PACS2: variants seen among roughly 807,000 people sequenced by gnomAD.
PACS2 encodes the protein phosphofurin acidic cluster sorting protein 2, also known as PACS1-like protein.
A neutral mutation model predicts 113.0 loss-of-function variants in PACS2; 36 were observed. The observed-to-expected ratio is 0.32, with a 90% CI of 0.24 to 0.42. The LOEUF (loss-of-function observed/expected upper bound fraction) is 0.42. Among genes scored for constraint, PACS2 ranks in the 10% least tolerant of loss-of-function variants. The probability of loss-of-function intolerance (pLI) is 1.00; values close to 1 mark genes in which losing one functional copy is unlikely to be tolerated. For synonymous variants in PACS2, 589 were observed against 536.1 expected (o/e 1.10, Z -1.36); for missense variants, 1,015 against 1,239.5 (o/e 0.82, Z 2.72).
chr14:105,389,031 C>G (rs1290120930), intron 19 of PACS2: 1 of 152,446 alleles, frequency 6.6e-6, no homozygotes, highest in Non-Finnish European at 1.5e-5. Flanking sequence ...TCATGCTGTG[C>G]TGGCCCCTTG....
chr14:105,345,838 G>A (rs2059900663), intron 1 of PACS2, among the ~76,000 whole-genome samples: 1 of 152,210 alleles, frequency 6.6e-6, no homozygotes. Flanking sequence ...GTAAGAGAGA[G>A]TCTGTGGGAA....
intron 1 of PACS2, among the ~76,000 whole-genome samples, chr14:105,331,448 A>G (rs587765308): frequency 6.6e-6 from 1 of 152,138 alleles, no homozygotes; most frequent in African/African-American, 2.4e-5. Flanking sequence ...ACAGGTTCTC[A>G]CTCTGTTGCT....
At chr14:105,308,079 A>G (rs1296753424) in intron 1 of PACS2, among the ~76,000 whole-genome samples, 5 of 152,074 alleles carry the variant, frequency 3.3e-5, no homozygotes, top group Admixed American at 6.6e-5. Flanking sequence ...GCTACTTGGG[A>G]GGCTGAGGCA....
Position 105,381,962 on chromosome 14 carries a change from G to A in PACS2, c.1317G>A (p.Lys439=). The A allele has an allele frequency of 6.4e-7, 1 of 1,550,544 alleles. No individual in the cohort carries two copies. The highest frequency in any genetic ancestry group is 8.7e-7 in the Non-Finnish European group (1 of 1,147,114). ...GACGGGGCCGGAGCACATCCTTGAA[G>A]GAGCGGCAGGCAGCACGGCCCCAGA... The part of the protein sequence containing the change: ...AGRRGRSTSL[K]ERQAARPQNE... The change falls in exon 13 of 25, where the codon AAG becomes AAA. Residue 439 remains lysine, a synonymous_variant. Transcript: ENST00000447393.
Position 105,365,109 on chromosome 14 carries a change from C to T in PACS2, c.424-2104C>T, listed in dbSNP as rs937688235. ...GGCCACCCTCCCTGGTGAGGCAGCT[C>T]CAGCCCTTTGCTGAGGATTGCAGAG... On this transcript the variant is annotated intron_variant, in intron 4 of 24. Transcript: ENST00000447393. The surrounding 1 kb of genome is among the most constrained non-coding windows in gnomAD (Gnocchi z 5.1). Among the ~76,000 whole-genome samples the T allele has an allele frequency of 1.7e-4, 26 of 152,320 alleles. No homozygotes were observed. Among genetic ancestry groups the T allele is most frequent in the African/African-American group, 6.0e-4 (25 of 41,586 alleles).
At position 105,368,461 on chromosome 14, in the gene PACS2, C is replaced by CATA; in HGVS notation, c.663_664insATA (p.Asp221_Leu222insIle). 1 of 1,613,534 alleles carries CATA rather than the reference C, an allele frequency of 6.2e-7. No individual in the cohort carries two copies. Among genetic ancestry groups the CATA allele is most frequent in the Non-Finnish European group, 8.5e-7 (1 of 1,179,590 alleles). Reference sequence around the variant, plus strand: ...AGCCACTGCATATGTCTCTGCAGGACTTGGACGAGGACGACTTTGACGTGG... The same window carrying CATA: ...AGCCACTGCATATGTCTCTGCAGGACATATTGGACGAGGACGACTTTGACGTGG... On this transcript the variant is annotated inframe_insertion, in exon 7 of 25. Coordinates refer to ENST00000447393, the MANE Select transcript of PACS2 (RefSeq NM_001100913.3).
intron 1 of PACS2, among the ~76,000 whole-genome samples, chr14:105,325,703 G>A (rs2059078897): frequency 2.6e-5 from 4 of 152,230 alleles, no homozygotes; most frequent in Admixed American, 2.6e-4. Flanking sequence ...GACCAGCACT[G>A]TCCCTTCCCT....
At chr14:105,388,179 T>C (rs2081241804) in intron 19 of PACS2, among the ~76,000 whole-genome samples, 1 of 152,064 alleles carries the variant, frequency 6.6e-6, no homozygotes, top group Non-Finnish European at 1.5e-5. Context: ...GGTGGTTTCA[T>C]CCAGAGGCAT....
intron 24 of PACS2, chr14:105,394,127 G>C: frequency 1.1e-6 from 1 of 874,816 alleles, no homozygotes; most frequent in Non-Finnish European, 1.4e-6. Context: ...TCCTCTTTTT[G>C]AGCACGGGTC....
chr14:105,375,958 A>G (rs782710479), intron 8 of PACS2, among the ~76,000 whole-genome samples: 12 of 152,222 alleles, frequency 7.9e-5, no homozygotes, highest in Non-Finnish European at 1.5e-4. Flanking sequence ...CTCACAGTTC[A>G]GCATGGCTGG....
chr14:105,368,659 C>A, intron 7 of PACS2, 120 bp downstream of exon 7: 1 of 762,788 alleles, frequency 1.3e-6, no homozygotes, highest in Non-Finnish European at 2.3e-6. Context: ...GTCACAGCAG[C>A]ATGTCCCGTG....
chr14:105,349,415 C>T (rs910430055), intron 2 of PACS2, among the ~76,000 whole-genome samples: 5 of 152,254 alleles, frequency 3.3e-5, no homozygotes, highest in South Asian at 4.1e-4. Context: ...AGCCCATCAG[C>T]TCCTCGAGGA....
At chr14:105,388,100 G>A (rs1171197173) in intron 19 of PACS2, among the ~76,000 whole-genome samples, 1 of 152,238 alleles carries the variant, frequency 6.6e-6, no homozygotes, top group Non-Finnish European at 1.5e-5. Flanking sequence ...AGAGGGGAAA[G>A]TTTCAACTCT....
rs1184801152 is a variant in PACS2 at position 105,354,192 on chromosome 14, C to T, written c.298-860C>T. Reference sequence around the variant, plus strand: ...ATAGGGGAAACTCAGAGTTCACAAGCAATCCCAGCTCTTCGGGAGGCTGAG... The same window carrying T: ...ATAGGGGAAACTCAGAGTTCACAAGTAATCCCAGCTCTTCGGGAGGCTGAG... On this transcript the variant is annotated intron_variant, in intron 3 of 24. Transcript: ENST00000447393. This position sits in a 1 kb window ranked among gnomAD's most constrained non-coding sequence, Gnocchi z 4.2. 6.6e-6 allele frequency among the ~76,000 whole-genome samples: 1 copy of T among 152,020 alleles called. No homozygotes were observed. The highest frequency in any genetic ancestry group is 1.5e-5 in the Non-Finnish European group (1 of 68,016).
At chr14:105,302,146 C>CAAAAA (rs377143444) in intron 1 of PACS2, among the ~76,000 whole-genome samples, 1 of 116,584 alleles carries the variant, frequency 8.6e-6, no homozygotes, top group Non-Finnish European at 1.8e-5. Context: ...AACTCTGTCT[C>CAAAAA]AAAAAAAAAA....
intron 3 of PACS2, among the ~76,000 whole-genome samples, chr14:105,353,119 C>T (rs1286582860): frequency 9.7e-4 from 72 of 74,036 alleles, no homozygotes; most frequent in Non-Finnish European, 1.2e-3. Context: ...CCTGGGGTGA[C>T]GGGCACCCCC....
At chr14:105,347,309 T>C (rs587614849) in intron 1 of PACS2, among the ~76,000 whole-genome samples, 1 of 151,760 alleles carries the variant, frequency 6.6e-6, no homozygotes, top group South Asian at 2.1e-4. Context: ...CATCCAGTGC[T>C]CCCGTTGCCT....
At chr14:105,386,557 G>T (rs1281458746) in intron 19 of PACS2, among the ~76,000 whole-genome samples, 1 of 152,192 alleles carries the variant, frequency 6.6e-6, no homozygotes, top group Admixed American at 6.5e-5. Context: ...GGCCAGGTGT[G>T]TCCTGCTGCA....
chr14:105,358,618 T>C lies in PACS2; in HGVS notation c.423+3441T>C, dbSNP rs2060546942. Among the ~76,000 whole-genome samples, 1 of 152,042 alleles carries C rather than the reference T, an allele frequency of 6.6e-6. No individual in the cohort carries two copies. Among genetic ancestry groups the C allele is most frequent in the South Asian group, 2.1e-4 (1 of 4,832 alleles). ...GGGCTCCCCGACAAGACAGGAAGGTTGACAGACCCATGACCAGGCGAAGGG... is the reference window on the plus strand; with the variant it reads ...GGGCTCCCCGACAAGACAGGAAGGTCGACAGACCCATGACCAGGCGAAGGG... On this transcript the variant is annotated intron_variant, in intron 4 of 24. Transcript: ENST00000447393. The surrounding 1 kb of genome is among the most constrained non-coding windows in gnomAD (Gnocchi z 4.9).
Sources: allele counts gnomAD v4.1 joint callset (sites outside exome capture counted in the v4.1 genomes callset), GRCh38; gene constraint gnomAD v4.1.1; non-coding constraint Gnocchi (gnomAD v3.1); transcripts MANE v1.5; gene names NCBI Gene and HGNC (gene_info 2026-07-23, HGNC 2026-07-21).